Variants in TGFBR3L observed in about 807,000 individuals in gnomAD.
TGFBR3L encodes the protein transforming growth factor-beta receptor type 3-like protein.
In TGFBR3L, 21 loss-of-function variants were observed where a neutral mutation model predicts 20.4. The observed-to-expected ratio is 1.03, with a 90% CI of 0.73 to 1.48. The LOEUF (loss-of-function observed/expected upper bound fraction) is 1.48. Ranked by LOEUF, TGFBR3L falls within the 40% of genes most tolerant of loss-of-function variation. The pLI, the probability that TGFBR3L is intolerant of heterozygous loss-of-function variation, is 0.00. For synonymous variants in TGFBR3L, 245 were observed against 244.2 expected (o/e 1.00, Z -0.03); for missense variants, 479 against 498.0 (o/e 0.96, Z 0.36).
At chr19:7,918,219 T>G (rs899585689) in intron 5 of TGFBR3L, 90 bp downstream of exon 6, 207 of 1,248,976 alleles carry the variant, frequency 1.7e-4, no homozygotes, top group African/African-American at 3.3e-4. Context: ...ACTGTGGTTT[T>G]TTTGTTTGTT....
In TGFBR3L at chr19:7,916,785, G is replaced by C; in HGVS notation, c.440G>C (p.Gly147Ala). The C allele has an allele frequency of 6.7e-7, 1 of 1,488,660 alleles. No homozygotes were observed. Among genetic ancestry groups the C allele is most frequent in the Non-Finnish European group, 8.9e-7 (1 of 1,125,030 alleles). The allele number at this position is 1,488,660 out of a possible 1,614,324, so 92.2% of individuals were successfully genotyped here. A position where few individuals can be genotyped will look rare whatever the true frequency, so the allele number is the denominator to read the frequency against. ...CCGCCACCGCCGCCGCCGAGCCCGG[G>C]TGCCGCCCGCCCCGCGCGTTTCAGC... The change falls in exon 2 of 6, where the codon GGT becomes GCT. Residue 147 changes from glycine (G) to alanine (A), a missense_variant. Gly to Ala is a moderately conservative substitution (Grantham distance 60). Transcript: ENST00000565886.
chr19:7,915,887 C>G lies in TGFBR3L; in HGVS notation c.-381C>G, dbSNP rs1568284741. 1.3e-5 allele frequency among the ~76,000 whole-genome samples: 2 copies of G among 152,206 alleles called. No individual in the cohort carries two copies. The highest frequency in any genetic ancestry group is 2.4e-5 in the African/African-American group (1 of 41,448). On this transcript the variant is annotated 5_prime_UTR_variant, in exon 1 of 6. Transcript: ENST00000565886. ...GGTCCCATGGCTGCCTCAGCCTGGA[C>G]AAGTGGAAGCGTCTCAGATCTTGGT...
At position 7,919,044 on chromosome 19, in the gene TGFBR3L, TC is replaced by T. The variant is rs1336189358; in HGVS notation, c.*138del. 2 of 398,474 alleles carry T rather than the reference TC, an allele frequency of 5.0e-6. No individual in the cohort carries two copies. Among genetic ancestry groups the T allele is most frequent in the African/African-American group, 4.1e-5 (2 of 48,546 alleles). The allele number at this position is 398,474 out of a possible 1,614,324, so 24.7% of individuals were successfully genotyped here. ...GGCCACGACCCCTGCGCTTCTCTCC[TC>T]CCCCTGTCCCTCCCACCTGTGCTCA... On this transcript the variant is annotated 3_prime_UTR_variant, in exon 6 of 6. Coordinates refer to ENST00000565886, the MANE Select transcript of TGFBR3L (RefSeq NM_001195259.2).
chr19:7,918,463 C>G (rs1031823889), intron 5 of TGFBR3L, among the ~76,000 whole-genome samples: 2 of 152,126 alleles, frequency 1.3e-5, no homozygotes, highest in Admixed American at 6.5e-5. Flanking sequence ...CTCGCACACC[C>G]GACCTCAGGT....
In TGFBR3L at chr19:7,916,495, CCG is replaced by C; in HGVS notation, c.233_234del (p.Ala78GlyfsTer50). 1.3e-6 allele frequency: 2 copies of C among 1,520,210 alleles called. No homozygotes were observed. The highest frequency in any genetic ancestry group is 1.8e-6 in the Non-Finnish European group (2 of 1,136,470). 94.2% of individuals were successfully genotyped at this position (1,520,210 alleles called of 1,614,324 possible). ...CCGACACAGAGGACGTCTTTCCTCG[CCG>C]CGCGGGGCCGCTCGAGGTCCCGGCC... On this transcript the variant is annotated frameshift_variant, in exon 1 of 6. Transcript: ENST00000565886. LOFTEE classifies it high-confidence loss of function.
intron 2 of TGFBR3L, 87 bp downstream of exon 3, chr19:7,917,029 C>T (rs558872885): frequency 1.4e-5 from 18 of 1,250,348 alleles, no homozygotes; most frequent in Middle Eastern, 3.1e-4. Context: ...AGAGGATACT[C>T]TCGGGGTCTG....
rs1983400021 is a variant in TGFBR3L, at chr19:7,918,091, GC to G, written c.921del (p.Ser308AlafsTer69). On this transcript the variant is annotated frameshift_variant, in exon 5 of 6. Coordinates refer to ENST00000565886, the MANE Select transcript of TGFBR3L (RefSeq NM_001195259.2). LOFTEE classifies it high-confidence loss of function. ...CCCCTGGCCCGCCCGCGAGAGCCTC[GC>G]CCAGCGGTCCCCAGCCCAGGAGGTC... The G allele has an allele frequency of 6.5e-7, 1 of 1,534,896 alleles. No homozygotes were observed. Among genetic ancestry groups the G allele is most frequent in the Non-Finnish European group, 8.7e-7 (1 of 1,146,126 alleles).
Position 7,918,053 on chromosome 19 carries a change from C to T in TGFBR3L, c.884-4C>T. 4 of 1,533,934 alleles carry T rather than the reference C, an allele frequency of 2.6e-6. No individual in the cohort carries two copies. The highest frequency in any genetic ancestry group is 3.5e-6 in the Non-Finnish European group (4 of 1,145,558). On this transcript the variant is annotated splice_region_variant and splice_polypyrimidine_tract_variant and intron_variant, in intron 4 of 5. Transcript: ENST00000565886. ...CCCTTCTGCAGCTCGCCTCTCCCTT[C>T]CAGCGCCCCACGCCCCTGGCCCGCC...
In TGFBR3L at chr19:7,917,845, T is replaced by G; in HGVS notation, c.869T>G (p.Val290Gly). 7.3e-7 allele frequency: 1 copy of G among 1,378,648 alleles called. No homozygotes were observed. Among genetic ancestry groups the G allele is most frequent in the Non-Finnish European group, 9.3e-7 (1 of 1,074,386 alleles). The allele number at this position is 1,378,648 out of a possible 1,614,324, so 85.4% of individuals were successfully genotyped here. The change falls in exon 4 of 6, where the codon GTC (valine) becomes GGC (glycine). Residue 290 changes from valine (V) to glycine (G), a missense_variant. Coordinates refer to ENST00000565886, the MANE Select transcript of TGFBR3L (RefSeq NM_001195259.2). ...GCGCTGGCCGCCGGGCTGGGTCTCG[T>G]CTGTGCGCACTCAGGTACCGACGAC...
rs1377058089 is a variant in TGFBR3L at position 7,916,856 on chromosome 19, T to C, written c.511T>C (p.Cys171Arg). ...CAACGCCTCGGTGCAGTTCCTGCACTGCCAGCTGAGCCGCTGCCGCCGCCT... is the reference window on the plus strand; with the variant it reads ...CAACGCCTCGGTGCAGTTCCTGCACCGCCAGCTGAGCCGCTGCCGCCGCCT... Residue 171 changes from cysteine to arginine, a missense_variant, in exon 2 of 6, where the codon TGC becomes CGC. Cys to Arg is a radical substitution (Grantham distance 180, BLOSUM62 -3). Transcript: ENST00000565886. 7.1e-7 allele frequency: 1 copy of C among 1,411,226 alleles called. No homozygotes were observed. Among genetic ancestry groups the C allele is most frequent in the Non-Finnish European group, 9.2e-7 (1 of 1,082,258 alleles). 87.4% of individuals were successfully genotyped at this position (1,411,226 alleles called of 1,614,324 possible).
rs1184659039 is a variant in TGFBR3L, at chr19:7,916,889, G to A, written c.544G>A (p.Val182Ile). 2 of 1,349,422 alleles carry A rather than the reference G, an allele frequency of 1.5e-6. No individual in the cohort carries two copies. The highest frequency in any genetic ancestry group is 1.5e-5 in the African/African-American group (1 of 65,648). The allele number at this position is 1,349,422 out of a possible 1,614,324, so 83.6% of individuals were successfully genotyped here. A position where few individuals can be genotyped will look rare whatever the true frequency, so the allele number is the denominator to read the frequency against. ...GAGCCGCTGCCGCCGCCTCCGGGGA[G>A]TCCGCCGGGCGCCTGCGCCTCTGAC... Residue 182 changes from valine to isoleucine, a missense_variant, in exon 2 of 6, where the codon GTC (valine) becomes ATC (isoleucine). Physicochemically the swap from Val to Ile is conservative, Grantham distance 29. Transcript: ENST00000565886.
Position 7,918,124 on chromosome 19 carries a change from A to G in TGFBR3L, c.951A>G (p.Ter317TrpextTer55). Reference sequence around the variant, plus strand: ...GTCCCCAGCCCAGGAGGTCCCAGTGAGGAAGGTAGGTATGGAGGTGGAGGG... The same window carrying G: ...GTCCCCAGCCCAGGAGGTCCCAGTGGGGAAGGTAGGTATGGAGGTGGAGGG... The change falls in exon 5 of 6, where the codon TGA becomes TGG. Residue 317 changes from the stop codon to tryptophan (W), a stop_lost. Coordinates refer to ENST00000565886, the MANE Select transcript of TGFBR3L (RefSeq NM_001195259.2). The G allele has an allele frequency of 6.5e-7, 1 of 1,535,218 alleles. No homozygotes were observed. The highest frequency in any genetic ancestry group is 8.7e-7 in the Non-Finnish European group (1 of 1,146,316).
At chr19:7,918,356 C>A (rs895709940) in intron 5 of TGFBR3L, among the ~76,000 whole-genome samples, 1 of 152,242 alleles carries the variant, frequency 6.6e-6, no homozygotes, top group African/African-American at 2.4e-5. Flanking sequence ...CCTACCTCAG[C>A]CTCCTGAGTA....
rs936520061 is a variant in TGFBR3L, at chr19:7,917,572, G to C, written c.697G>C (p.Val233Leu). The stretch of plus-strand genomic sequence containing the variant: ...CCTGCACACGCTGACGCAGCCTATC[G>C]TGGTCACCGTGCCGCGGCCGCCCCC... The change falls in exon 3 of 6, where the codon GTG (valine) becomes CTG (leucine). Residue 233 changes from valine to leucine, a missense_variant. Coordinates refer to ENST00000565886, the MANE Select transcript of TGFBR3L (RefSeq NM_001195259.2). The C allele has an allele frequency of 5.4e-6, 8 of 1,494,270 alleles. No homozygotes were observed. The highest frequency in any genetic ancestry group is 4.4e-5 in the Admixed American group (2 of 45,572). 92.6% of individuals were successfully genotyped at this position (1,494,270 alleles called of 1,614,324 possible). A position where few individuals can be genotyped will look rare whatever the true frequency, so the allele number is the denominator to read the frequency against.
In TGFBR3L at chr19:7,918,743, G is replaced by A. The variant is rs564046083; in HGVS notation, c.*6-174G>A. 317 of 396,188 alleles carry A rather than the reference G, an allele frequency of 8.0e-4. 2 individuals carry two copies. The highest frequency in any genetic ancestry group is 6.0e-3 in the African/African-American group (292 of 48,724). The allele number at this position is 396,188 out of a possible 1,614,324, so 24.5% of individuals were successfully genotyped here. On this transcript the variant is annotated intron_variant, in intron 5 of 5. Coordinates refer to ENST00000565886, the MANE Select transcript of TGFBR3L (RefSeq NM_001195259.2). The stretch of plus-strand genomic sequence containing the variant: ...CCGCGGCAGGCGCGGGCTTTGGGTC[G>A]AGCCAGGGGCATTAGGTGAGGAGAG...
intron 4 of TGFBR3L, 61 bp from the exon 6 acceptor site, chr19:7,917,996 G>C (rs1026782360): frequency 5.3e-6 from 8 of 1,508,426 alleles, no homozygotes; most frequent in Non-Finnish European, 7.1e-6. Flanking sequence ...AGCCCCCAGG[G>C]GCCGCCCTTA....
intron 5 of TGFBR3L, 190 bp from the exon 7 acceptor site, chr19:7,918,727 G>T (rs1444809256): frequency 2.5e-6 from 1 of 395,488 alleles, no homozygotes; most frequent in Non-Finnish European, 4.5e-6. Context: ...CCCGCGGCAG[G>T]CGCGGGCTTT....
intron 5 of TGFBR3L, 140 bp from the exon 7 acceptor site, chr19:7,918,760 TGAGGAGAGGCACTAGGC>T (rs1371844900): frequency 2.5e-6 from 1 of 396,508 alleles, no homozygotes; most frequent in Non-Finnish European, 4.4e-6. Flanking sequence ...GGGCATTAGG[TGAGGAGAGGCACTAGGC>T]GAGGAGAACT....
chr19:7,916,243 G>A lies in TGFBR3L; in HGVS notation c.-25G>A. 14 of 1,528,268 alleles carry A rather than the reference G, an allele frequency of 9.2e-6. No homozygotes were observed. Among genetic ancestry groups the A allele is most frequent in the Non-Finnish European group, 1.2e-5 (14 of 1,142,294 alleles). The allele number at this position is 1,528,268 out of a possible 1,614,324, so 94.7% of individuals were successfully genotyped here. ...TCGCCAGGGGGCACATCACCGTCAG[G>A]GGGGAAAGTGGCGCGGAGCCCATCA... is the stretch of plus-strand genomic sequence containing the variant. On this transcript the variant is annotated 5_prime_UTR_variant, in exon 1 of 6. Transcript: ENST00000565886.
Sources: allele counts gnomAD v4.1 joint callset (sites outside exome capture counted in the v4.1 genomes callset), GRCh38; gene constraint gnomAD v4.1.1; transcripts MANE v1.5; gene names NCBI Gene and HGNC (gene_info 2026-07-23, HGNC 2026-07-21).